DMD: variants seen among roughly 807,000 people sequenced by gnomAD.
DMD encodes the protein mutant dystrophin.
A neutral mutation model predicts 330.1 loss-of-function variants in DMD; 63 were observed. That is an observed-to-expected ratio of 0.19 (90% CI 0.16 to 0.24). DMD has a LOEUF of 0.24. Among genes scored for constraint, DMD ranks in the 10% least tolerant of loss-of-function variants. DMD has a pLI of 1.00. For missense variants in DMD, 3,344 were observed against 2,684.1 expected, an observed-to-expected ratio of 1.25 and a Z score of -5.43; for synonymous variants, 1,223 against 959.8, an observed-to-expected ratio of 1.27 and a Z score of -5.07.
rs779372959 is a variant in DMD at position 31,767,608 on chromosome X, T to C, written c.7542+6352A>G. Among the ~76,000 whole-genome samples the C allele has an allele frequency of 2.7e-5, 3 of 112,101 alleles. No homozygotes were observed. The East Asian group carries it at 8.4e-4, about 31-fold the overall frequency. On this transcript the variant is annotated intron_variant, in intron 51 of 78. Coordinates refer to ENST00000357033, the MANE Select transcript of DMD (RefSeq NM_004006.3). Reference sequence around the variant, plus strand: ...TAATAGCCACTTTCTGCTGGGTTTGTGACAACAGAATAAAACCAAGAAACA... The same window carrying C: ...TAATAGCCACTTTCTGCTGGGTTTGCGACAACAGAATAAAACCAAGAAACA...
At chrX:33,193,789 C>T (rs1369391253) in intron 1 of DMD, among the ~76,000 whole-genome samples, 1 of 111,277 alleles carries the variant, frequency 9.0e-6, no homozygotes, top group Admixed American at 9.6e-5. Flanking sequence ...TCATATTATA[C>T]CCAAAAAATT....
intron 7 of DMD, among the ~76,000 whole-genome samples, chrX:32,808,212 G>A (rs1240321399): frequency 9.0e-6 from 1 of 111,680 alleles, no homozygotes; most frequent in Non-Finnish European, 1.9e-5. Context: ...ATAAAAAGGG[G>A]TTACAGTATT....
At chrX:32,200,527 G>A (rs59900342) in intron 44 of DMD, among the ~76,000 whole-genome samples, 1,340 of 110,723 alleles carry the variant, frequency 0.012, 15 homozygotes, top group South Asian at 0.073. Context: ...GTTAGGTAAC[G>A]TGTTTTACAT....
chrX:32,495,449 T>C (rs2043397463), intron 19 of DMD, among the ~76,000 whole-genome samples: 1 of 111,978 alleles, frequency 8.9e-6, no homozygotes, highest in South Asian at 3.7e-4. Flanking sequence ...AAATTTGCTT[T>C]AAAATACTTG....
At chrX:31,402,857 G>A (rs775557624) in intron 60 of DMD, among the ~76,000 whole-genome samples, 1 of 111,517 alleles carries the variant, frequency 9.0e-6, no homozygotes, top group South Asian at 3.8e-4. Context: ...AGTGATTAAC[G>A]TGATCGTTTC....
chrX:32,641,981 G>A (rs1466627316), intron 11 of DMD, among the ~76,000 whole-genome samples: 2 of 111,558 alleles, frequency 1.8e-5, no homozygotes, highest in Non-Finnish European at 3.8e-5. Context: ...TAATTTATTT[G>A]AAGCATTAAG....
intron 45 of DMD, among the ~76,000 whole-genome samples, chrX:31,932,972 T>A (rs192120273): frequency 1.8e-5 from 2 of 111,157 alleles, no homozygotes; most frequent in African/African-American, 6.5e-5. Flanking sequence ...ATACCAGTAG[T>A]AACACCTCGC....
chrX:32,248,596 C>CA (rs60426992), intron 43 of DMD, among the ~76,000 whole-genome samples: 21,433 of 98,804 alleles, frequency 0.22, 2,725 homozygotes, highest in African/African-American at 0.46. Flanking sequence ...GGCACTATTC[C>CA]AAAAAAAAAA....
chrX:31,266,537 G>C (rs1022613384), intron 62 of DMD, among the ~76,000 whole-genome samples: 4 of 112,376 alleles, frequency 3.6e-5, no homozygotes, highest in Non-Finnish European at 5.6e-5. Flanking sequence ...CTCTGGGGAC[G>C]GGGAGAAATC....
chrX:32,192,151 G>A, intron 44 of DMD, among the ~76,000 whole-genome samples: 1 of 111,539 alleles, frequency 9.0e-6, no homozygotes, highest in Middle Eastern at 4.6e-3. Context: ...GCCGGGTCTG[G>A]GCCTCAAGAA....
At chrX:31,596,147 A>AGCTAG (rs1346464328) in intron 55 of DMD, among the ~76,000 whole-genome samples, 2 of 111,546 alleles carry the variant, frequency 1.8e-5, no homozygotes, top group Non-Finnish European at 3.8e-5. Context: ...TTGTACTTAC[A>AGCTAG]GCTAGCATAA....
At chrX:31,530,647 CTTTTTTTT>C (rs1192286078) in intron 55 of DMD, among the ~76,000 whole-genome samples, 74 of 49,819 alleles carry the variant, frequency 1.5e-3, no homozygotes, top group African/African-American at 5.6e-3. Flanking sequence ...ACTGGTTTCT[CTTTTTTTT>C]TTTTTTTTTT....
chrX:31,586,755 T>A (rs2056484396), intron 55 of DMD, among the ~76,000 whole-genome samples: 1 of 112,122 alleles, frequency 8.9e-6, no homozygotes, highest in African/African-American at 3.2e-5. Flanking sequence ...CTGAGATATG[T>A]GTATATTTAT....
intron 60 of DMD, among the ~76,000 whole-genome samples, chrX:31,361,746 A>G (rs1236443253): frequency 9.1e-6 from 1 of 110,386 alleles, no homozygotes; most frequent in Admixed American, 9.7e-5. Flanking sequence ...TTTAGTAAGC[A>G]ACAAGTCATC....
chrX:32,938,051 ACT>A (rs2090140766), intron 2 of DMD, among the ~76,000 whole-genome samples: 1 of 111,089 alleles, frequency 9.0e-6, no homozygotes, highest in Non-Finnish European at 1.9e-5. Context: ...CTTAAGTCAG[ACT>A]CTGTGGAAAT....
chrX:32,858,692 G>C (rs1336588332), intron 2 of DMD, among the ~76,000 whole-genome samples: 5 of 110,763 alleles, frequency 4.5e-5, no homozygotes, highest in Non-Finnish European at 9.4e-5. Context: ...CCCACGGTCT[G>C]ATGTGGTTTT....
At chrX:33,234,481 T>C (rs1165234541) in intron 1 of DMD, among the ~76,000 whole-genome samples, 1 of 111,458 alleles carries the variant, frequency 9.0e-6, no homozygotes, top group Non-Finnish European at 1.9e-5. Context: ...TAACAACTGT[T>C]GCTAACTCAC....
chrX:31,454,233 G>C (rs936153268), intron 59 of DMD, among the ~76,000 whole-genome samples: 1 of 110,945 alleles, frequency 9.0e-6, no homozygotes, highest in Admixed American at 9.6e-5. Context: ...CCGCCTCGTG[G>C]GTTCAAGCGA....
intron 52 of DMD, among the ~76,000 whole-genome samples, chrX:31,714,415 T>C (rs943079827): frequency 1.2e-4 from 14 of 112,354 alleles, no homozygotes; most frequent in African/African-American, 4.5e-4. Flanking sequence ...CAATTTAGCA[T>C]ACTAAAATAG....
Sources: gnomAD v4.1 joint callset for allele counts (sites outside exome capture counted in the v4.1 genomes callset) on GRCh38, gnomAD v4.1.1 for gene constraint, MANE v1.5 for transcripts, NCBI Gene and HGNC (gene_info 2026-07-23, HGNC 2026-07-21) for gene names.